SLCO3A1: variants seen among roughly 807,000 people sequenced by gnomAD.
The protein encoded by SLCO3A1 is PGE1 transporter.
In SLCO3A1, 27 loss-of-function variants were observed where a neutral mutation model predicts 63.1. That is an observed-to-expected ratio of 0.43 (90% CI 0.32 to 0.59). The LOEUF is 0.59. SLCO3A1 is among the 20% of genes least tolerant of loss of function. SLCO3A1 has a pLI of 0.09. For synonymous variants in SLCO3A1, 473 were observed against 409.9 expected, an observed-to-expected ratio of 1.15 and a Z score of -1.86; for missense variants, 773 against 945.8, an observed-to-expected ratio of 0.82 and a Z score of 2.40.
intron 9 of SLCO3A1, among the ~76,000 whole-genome samples, chr15:92,158,886 G>GA (rs2048403417): frequency 6.6e-6 from 1 of 152,188 alleles, no homozygotes; most frequent in Non-Finnish European, 1.5e-5. Flanking sequence ...TGATGGAAAA[G>GA]AAAGCCAATA....
intron 3 of SLCO3A1, among the ~76,000 whole-genome samples, chr15:92,102,936 G>A (rs963881971): frequency 1.3e-5 from 2 of 152,190 alleles, no homozygotes; most frequent in African/African-American, 4.8e-5. Context: ...CTAAGCCTCA[G>A]TTACTCCATC....
chr15:92,162,855 A>G lies in SLCO3A1; in HGVS notation c.1853A>G (p.Asp618Gly), dbSNP rs1390992918. The change falls in exon 10 of 10, where the codon GAC becomes GGC. Residue 618 changes from aspartate to glycine, a missense_variant. Asp to Gly is a moderately conservative substitution (Grantham distance 94). Coordinates refer to ENST00000318445, the MANE Select transcript of SLCO3A1 (RefSeq NM_013272.4). ...CGEQGACVLY[D>G]NVVYRYLYVS... ...GAGCAAGGCGCCTGCGTCCTCTACG[A>G]CAATGTGGTCTACCGATACCTGTAT... 6.2e-7 allele frequency: 1 copy of G among 1,614,184 alleles called. No individual in the cohort carries two copies. Among genetic ancestry groups the G allele is most frequent in the Admixed American group, 1.7e-5 (1 of 60,026 alleles).
intron 2 of SLCO3A1, among the ~76,000 whole-genome samples, chr15:91,972,204 A>G (rs1900902521): frequency 1.3e-5 from 2 of 152,126 alleles, no homozygotes; most frequent in Admixed American, 6.5e-5. Flanking sequence ...AGAAGTCTCC[A>G]TTAAGAGATT....
chr15:92,168,787 A>G (rs1471244232), downstream of SLCO3A1, among the ~76,000 whole-genome samples: 1 of 152,212 alleles, frequency 6.6e-6, no homozygotes, highest in East Asian at 1.9e-4. Context: ...GTTAAAATTG[A>G]AGGCAACATT....
At chr15:92,087,340 G>A (rs1461483008) in intron 2 of SLCO3A1, among the ~76,000 whole-genome samples, 1 of 152,128 alleles carries the variant, frequency 6.6e-6, no homozygotes, top group African/African-American at 2.4e-5. Context: ...TTGTGCCAGA[G>A]GCACCTTGGC....
chr15:91,996,639 G>A (rs2046195561), intron 2 of SLCO3A1, among the ~76,000 whole-genome samples: 1 of 151,976 alleles, frequency 6.6e-6, no homozygotes, highest in South Asian at 2.1e-4. Flanking sequence ...ATTGGCACAG[G>A]GATATAGAAA....
chr15:91,957,562 C>A (rs546894971), intron 2 of SLCO3A1, among the ~76,000 whole-genome samples: 1 of 152,078 alleles, frequency 6.6e-6, no homozygotes, highest in Non-Finnish European at 1.5e-5. Flanking sequence ...CACCTCAGGG[C>A]CTTTACATTT....
chr15:92,005,768 C>G (rs1329741318), intron 2 of SLCO3A1, among the ~76,000 whole-genome samples: 1 of 152,184 alleles, frequency 6.6e-6, no homozygotes, highest in Non-Finnish European at 1.5e-5. Flanking sequence ...ATGTTATGCA[C>G]TGGATAATTC....
chr15:91,910,587 C>T (rs982958804), intron 1 of SLCO3A1, among the ~76,000 whole-genome samples: 2 of 152,244 alleles, frequency 1.3e-5, no homozygotes, highest in Non-Finnish European at 2.9e-5. Context: ...GTATTGTTCT[C>T]TCCACCACAC....
intron 2 of SLCO3A1, among the ~76,000 whole-genome samples, chr15:92,079,393 G>A (rs1407503876): frequency 6.6e-6 from 1 of 152,194 alleles, no homozygotes; most frequent in Non-Finnish European, 1.5e-5. Context: ...AGTTTTGGAG[G>A]CTGGAAGCCT....
Position 91,885,213 on chromosome 15 carries a change from C to T in SLCO3A1, c.181-30780C>T, listed in dbSNP as rs1315274918. ...TCTTTGCTCCCTTTGGCGTCACTCT[C>T]CACGCCCAGTAACGAAGCCCCACCC... is the stretch of plus-strand genomic sequence containing the variant. On this transcript the variant is annotated intron_variant, in intron 1 of 9. Transcript: ENST00000318445. The surrounding 1 kb of genome is among the most constrained non-coding windows in gnomAD (Gnocchi z 4.7). 1.3e-5 allele frequency among the ~76,000 whole-genome samples: 2 copies of T among 152,202 alleles called. No homozygotes were observed. Among genetic ancestry groups the T allele is most frequent in the African/African-American group, 2.4e-5 (1 of 41,448 alleles).
rs1358208114 is a variant in SLCO3A1 at position 91,880,389 on chromosome 15, C to CTGTGTG, written c.180+26302_180+26303insGTGTGT. Reference sequence around the variant, plus strand: ...TTTACCGGCACTCGTGCTTCTCTCTCTCTCTCTCTCTCTCTCTCTCTGTGT... The same window carrying CTGTGTG: ...TTTACCGGCACTCGTGCTTCTCTCTCTGTGTGTCTCTCTCTCTCTCTCTCTCTGTGT... On this transcript the variant is annotated intron_variant, in intron 1 of 9. Transcript: ENST00000318445. Among the ~76,000 whole-genome samples the CTGTGTG allele has an allele frequency of 1.9e-5, 2 of 103,710 alleles. 1 individual carries two copies. The highest frequency in any genetic ancestry group is 1.1e-4 in the African/African-American group (2 of 17,884). 68.0% of individuals were successfully genotyped at this position (103,710 alleles called of 152,430 possible).
chr15:92,035,547 C>G (rs1390290751), intron 2 of SLCO3A1, among the ~76,000 whole-genome samples: 1 of 151,770 alleles, frequency 6.6e-6, no homozygotes, highest in Admixed American at 6.6e-5. Context: ...CTGTTGCCCC[C>G]TTGCTGACAA....
chr15:92,146,262 C>T (rs2048221291), intron 7 of SLCO3A1, among the ~76,000 whole-genome samples: 1 of 152,218 alleles, frequency 6.6e-6, no homozygotes, highest in South Asian at 2.1e-4. Flanking sequence ...ACCCTGTCTG[C>T]AACAGGCAGC....
rs554552218 is a variant in SLCO3A1, at chr15:91,897,921, C to T, written c.181-18072C>T. 2.0e-4 allele frequency among the ~76,000 whole-genome samples: 31 copies of T among 152,264 alleles called. 1 individual carries two copies. The highest frequency in any genetic ancestry group is 1.0e-3 in the Admixed American group (16 of 15,294). On this transcript the variant is annotated intron_variant, in intron 1 of 9. Transcript: ENST00000318445. The surrounding 1 kb of genome is among the most constrained non-coding windows in gnomAD (Gnocchi z 4.7). ...GGCGAAGTTGAGAACAAGAAGGAAT[C>T]GCTGCTCTACACACACGGGGTTTTT...
chr15:92,048,932 G>A (rs116997445), intron 2 of SLCO3A1, among the ~76,000 whole-genome samples: 156 of 152,320 alleles, frequency 1.0e-3, no homozygotes, highest in Non-Finnish European at 1.9e-3. Context: ...TTTCACCAAT[G>A]GTGACTCACT....
At chr15:92,095,581 A>G (rs890914215) in intron 3 of SLCO3A1, among the ~76,000 whole-genome samples, 4 of 152,186 alleles carry the variant, frequency 2.6e-5, no homozygotes, top group African/African-American at 7.2e-5. Context: ...GAGTTCCCCA[A>G]TCCATGATTG....
chr15:91,943,662 T>C (rs1473403781), intron 2 of SLCO3A1, among the ~76,000 whole-genome samples: 3 of 152,212 alleles, frequency 2.0e-5, no homozygotes, highest in Non-Finnish European at 2.9e-5. Flanking sequence ...ACCGCCATAC[T>C]GTTTTTCATA....
chr15:92,007,239 T>C (rs575085530), intron 2 of SLCO3A1, among the ~76,000 whole-genome samples: 3 of 152,364 alleles, frequency 2.0e-5, no homozygotes, highest in African/African-American at 7.2e-5. Flanking sequence ...ACCTGTCTAG[T>C]TAATGTGGAA....
Sources: allele counts gnomAD v4.1 joint callset (sites outside exome capture counted in the v4.1 genomes callset), GRCh38; gene constraint gnomAD v4.1.1; non-coding constraint Gnocchi (gnomAD v3.1); transcripts MANE v1.5; gene names NCBI Gene and HGNC (gene_info 2026-07-23, HGNC 2026-07-21).